ERCC1: variants seen among roughly 807,000 people sequenced by gnomAD.
The protein encoded by ERCC1 is ERCC excision repair 1, endonuclease non-catalytic subunit.
ERCC1 carries 36 observed loss-of-function variants against 37.6 expected under a neutral mutation model. The ratio of observed to expected loss-of-function variants is 0.96; its 90% CI spans 0.73 to 1.26. The LOEUF (loss-of-function observed/expected upper bound fraction) is 1.26. ERCC1 is among the 50% of genes most tolerant of loss of function. The pLI, the probability that ERCC1 is intolerant of heterozygous loss-of-function variation, is 0.00. For missense variants in ERCC1, 349 were observed against 376.5 expected (o/e 0.93, Z 0.60); for synonymous variants, 156 against 162.1 (o/e 0.96, Z 0.28).
At chr19:45,440,260 CA>C (rs1412900115) in intron 1 of ERCC1, among the ~76,000 whole-genome samples, 3 of 151,992 alleles carry the variant, frequency 2.0e-5, no homozygotes, top group Non-Finnish European at 4.4e-5. Flanking sequence ...CGATGTCCCC[CA>C]CTGGTACTCA....
At position 45,421,280 on chromosome 19, in the gene ERCC1, C is replaced by G; in HGVS notation, c.219G>C (p.Gly73=). 6.2e-7 allele frequency: 1 copy of G among 1,614,190 alleles called. No individual in the cohort carries two copies. Among genetic ancestry groups the G allele is most frequent in the Non-Finnish European group, 8.5e-7 (1 of 1,180,032 alleles). The change falls in exon 3 of 10, where the codon GGG becomes GGC. Residue 73 remains glycine, a synonymous_variant. Transcript: ENST00000300853. ...YAISQPLEGA[G]ATCPTGSEPL... ...GCTCTGACCCTGTGGGGCACGTGGC[C>G]CCAGCCCCTTCCAGAGGCTGTGAGA...
intron 1 of ERCC1, among the ~76,000 whole-genome samples, chr19:45,440,978 A>G (rs1975105439): frequency 6.6e-6 from 1 of 152,114 alleles, no homozygotes; most frequent in Non-Finnish European, 1.5e-5. Flanking sequence ...CCTGGCCTCA[A>G]GCTATCCTCT....
chr19:45,444,835 A>G (rs939668796), intron 1 of ERCC1, among the ~76,000 whole-genome samples: 2 of 152,024 alleles, frequency 1.3e-5, no homozygotes, highest in South Asian at 4.1e-4. Context: ...GGACCTTTGC[A>G]CTCAGTTCGA....
intron 9 of ERCC1, chr19:45,410,813 T>A (rs568027846): frequency 1.3e-5 from 2 of 152,006 alleles, no homozygotes; most frequent in South Asian, 4.2e-4. Flanking sequence ...CAGGATCTCA[T>A]GTTTTTTTTG....
chr19:45,421,286 C>T lies in ERCC1; in HGVS notation c.213G>A (p.Gly71=), dbSNP rs1300984235. The change falls in exon 3 of 10, where the codon GGG becomes GGA. Residue 71 remains glycine (G), a synonymous_variant. Transcript: ENST00000300853. ...ACCCTGTGGGGCACGTGGCCCCAGC[C>T]CCTTCCAGAGGCTGTGAGATGGCAT... The part of the protein sequence containing the change: ...AEYAISQPLE[G]AGATCPTGSE... 4 of 1,614,056 alleles carry T rather than the reference C, an allele frequency of 2.5e-6. No individual in the cohort carries two copies. In the African/African-American group the frequency reaches 5.3e-5, roughly 22 times the overall value.
intron 9 of ERCC1, chr19:45,410,701 T>C (rs1459280246): frequency 1.3e-5 from 2 of 152,098 alleles, no homozygotes; most frequent in African/African-American, 4.8e-5. Flanking sequence ...ATTGTTTTGA[T>C]TTTTAGATAC....
chr19:45,436,055 C>T (rs551367775), intron 1 of ERCC1, among the ~76,000 whole-genome samples: 4 of 151,924 alleles, frequency 2.6e-5, no homozygotes, highest in South Asian at 2.1e-4. Flanking sequence ...CATGAGCCAC[C>T]GTGCCCAGCC....
At chr19:45,428,489 G>A (rs1379651510), upstream of ERCC1, among the ~76,000 whole-genome samples, 5 of 152,284 alleles carry the variant, frequency 3.3e-5, 1 homozygote, top group Middle Eastern at 6.8e-3. Context: ...CCGTATCCAA[G>A]CTCCGATTCC....
intron 1 of ERCC1, among the ~76,000 whole-genome samples, chr19:45,431,044 C>T (rs1354490402): frequency 6.6e-6 from 1 of 152,160 alleles, no homozygotes; most frequent in African/African-American, 2.4e-5. Flanking sequence ...CCTCCACCTC[C>T]CGTGTTCAAG....
intron 1 of ERCC1, among the ~76,000 whole-genome samples, chr19:45,440,300 G>C (rs1215870755): frequency 6.6e-6 from 1 of 151,410 alleles, no homozygotes; most frequent in Admixed American, 6.6e-5. Context: ...TCCTACTCCT[G>C]TCCCTATTTC....
intron 1 of ERCC1, among the ~76,000 whole-genome samples, chr19:45,436,146 G>GT (rs1395541314): frequency 6.6e-6 from 1 of 152,028 alleles, no homozygotes; most frequent in African/African-American, 2.4e-5. Context: ...GAAGCCTGAG[G>GT]TCTCCTTCAG....
At chr19:45,446,101 T>C (rs1348408469) in intron 1 of ERCC1, among the ~76,000 whole-genome samples, 1 of 151,864 alleles carries the variant, frequency 6.6e-6, no homozygotes, top group East Asian at 1.9e-4. Context: ...CTCAACCCAA[T>C]GTTGGCCAGG....
In ERCC1 at chr19:45,420,335, G is replaced by A. The variant is rs1260186439; in HGVS notation, c.414C>T (p.Ala138=). 6.2e-7 allele frequency: 1 copy of A among 1,611,354 alleles called. No individual in the cohort carries two copies. Among genetic ancestry groups the A allele is most frequent in the Non-Finnish European group, 8.5e-7 (1 of 1,178,078 alleles). The change falls in exon 4 of 10, where the codon GCC becomes GCT. Residue 138 remains alanine, a synonymous_variant. Transcript: ENST00000300853. The surrounding 1 kb of genome is among the most constrained non-coding windows in gnomAD (Gnocchi z 4.8). ...PDYVLGQSTC[A]LFLSLRYHNL... is the part of the protein sequence containing the mutation. ...GCCGCAGAGCTCACCTGAGGAACAG[G>A]GCACAGGTGCTCTGGCCCAGCACAT...
chr19:45,415,297 T>C (rs1253321171), intron 6 of ERCC1, among the ~76,000 whole-genome samples: 1 of 132,290 alleles, frequency 7.6e-6, no homozygotes, highest in Admixed American at 8.3e-5. Flanking sequence ...ATCACGCCAT[T>C]GCACTCCCGC....
In ERCC1 at chr19:45,420,304, G is replaced by A. The variant is rs1385102269; in HGVS notation, c.425+20C>T. On this transcript the variant is annotated intron_variant, in intron 4 of 9. Transcript: ENST00000300853. The surrounding 1 kb of genome is among the most constrained non-coding windows in gnomAD (Gnocchi z 4.8). ...GTGGGGTGCCCTTCCTGAAGTCTGG[G>A]GTGGCGCCGCAGAGCTCACCTGAGG... 1 of 1,545,112 alleles carries A rather than the reference G, an allele frequency of 6.5e-7. No individual in the cohort carries two copies. The highest frequency in any genetic ancestry group is 8.9e-7 in the Non-Finnish European group (1 of 1,121,896).
chr19:45,430,842 G>A (rs1056949839), intron 1 of ERCC1, among the ~76,000 whole-genome samples: 1 of 151,978 alleles, frequency 6.6e-6, no homozygotes, highest in African/African-American at 2.4e-5. Flanking sequence ...GGGAGATGAA[G>A]TTTGCAGTGA....
chr19:45,413,367 A>T, intron 9 of ERCC1: 1 of 594,534 alleles, frequency 1.7e-6, no homozygotes, highest in Non-Finnish European at 3.0e-6. Context: ...CCTGGGCTCA[A>T]GCGATCCTCC....
Position 45,420,311 on chromosome 19 carries a change from C to T in ERCC1, c.425+13G>A, listed in dbSNP as rs376611168. Reference sequence around the variant, plus strand: ...GCCCTTCCTGAAGTCTGGGGTGGCGCCGCAGAGCTCACCTGAGGAACAGGG... The same window carrying T: ...GCCCTTCCTGAAGTCTGGGGTGGCGTCGCAGAGCTCACCTGAGGAACAGGG... On this transcript the variant is annotated intron_variant, in intron 4 of 9. Coordinates refer to ENST00000300853, the MANE Select transcript of ERCC1 (RefSeq NM_001983.4). This position sits in a 1 kb window ranked among gnomAD's most constrained non-coding sequence, Gnocchi z 4.8. 5.0e-5 allele frequency: 79 copies of T among 1,587,224 alleles called. No individual in the cohort carries two copies. The highest frequency in any genetic ancestry group is 6.6e-5 in the Non-Finnish European group (76 of 1,158,414).
Position 45,421,327 on chromosome 19 carries a change from G to C in ERCC1, c.172C>G (p.Gln58Glu), listed in dbSNP as rs767844436. 3.1e-6 allele frequency: 5 copies of C among 1,613,962 alleles called. No homozygotes were observed. The African/African-American group carries it at 4.0e-5, about 13-fold the overall frequency. The change falls in exon 3 of 10, where the codon CAG becomes GAG. Residue 58 changes from glutamine to glutamate, a missense_variant. Coordinates refer to ENST00000300853, the MANE Select transcript of ERCC1 (RefSeq NM_001983.4). Reference protein sequence around the residue: ...TVDTSAQAAPQTYAEYAISQP... With the variant: ...TVDTSAQAAPETYAEYAISQP... ...GAGATGGCATATTCGGCGTAGGTCTGAGGGGCCGCCTGGGCCGAGGTGTCC... is the reference window on the plus strand; with the variant it reads ...GAGATGGCATATTCGGCGTAGGTCTCAGGGGCCGCCTGGGCCGAGGTGTCC...
Sources: gnomAD v4.1 joint callset for allele counts (sites outside exome capture counted in the v4.1 genomes callset) on GRCh38, gnomAD v4.1.1 for gene constraint, Gnocchi (gnomAD v3.1) non-coding constraint, MANE v1.5 for transcripts, NCBI Gene and HGNC (gene_info 2026-07-23, HGNC 2026-07-21) for gene names.